FOCAD: variants seen among roughly 807,000 people sequenced by gnomAD.
FOCAD encodes the protein KIAA1797.
FOCAD carries 198 observed loss-of-function variants against 225.6 expected under a neutral mutation model. That is an observed-to-expected ratio of 0.88 (90% CI 0.78 to 0.99). FOCAD has a LOEUF of 0.99. Among genes scored for constraint, FOCAD ranks in the 50% least tolerant of loss-of-function variants. The pLI is 0.00. For missense variants in FOCAD, 2,713 were observed against 2,123.6 expected (o/e 1.28, Z -5.46); for synonymous variants, 897 against 755.0 (o/e 1.19, Z -3.08).
intron 23 of FOCAD, among the ~76,000 whole-genome samples, chr9:20,914,849 G>A (rs1353550792): frequency 6.6e-6 from 1 of 152,174 alleles, no homozygotes; most frequent in African/African-American, 2.4e-5. Flanking sequence ...TTAGGAGTCC[G>A]TTGCAATAAT....
chr9:20,784,477 G>A (rs1318084019), intron 10 of FOCAD, among the ~76,000 whole-genome samples: 2 of 152,126 alleles, frequency 1.3e-5, no homozygotes, highest in African/African-American at 2.4e-5. Flanking sequence ...AGAAAGAATC[G>A]GAAAAGTTTT....
chr9:20,796,679 A>G (rs1368998836), intron 11 of FOCAD, among the ~76,000 whole-genome samples: 1 of 151,830 alleles, frequency 6.6e-6, no homozygotes, highest in African/African-American at 2.4e-5. Context: ...TTTTTCTTGT[A>G]AATTTATTTG....
intron 5 of FOCAD, among the ~76,000 whole-genome samples, chr9:20,753,067 A>T (rs564485670): frequency 1.3e-5 from 2 of 152,080 alleles, no homozygotes; most frequent in African/African-American, 2.4e-5. Context: ...GGGCTGAGTC[A>T]ATGGGGTTTT....
chr9:20,763,496 T>C (rs535538918), intron 6 of FOCAD, among the ~76,000 whole-genome samples: 27 of 152,274 alleles, frequency 1.8e-4, no homozygotes, highest in African/African-American at 5.5e-4. Flanking sequence ...ATAAAGGCAT[T>C]GTATCTTAAA....
chr9:20,676,482 G>T (rs550068236), intron 2 of FOCAD, among the ~76,000 whole-genome samples: 7 of 152,070 alleles, frequency 4.6e-5, no homozygotes, highest in Non-Finnish European at 7.4e-5. Context: ...AAAATTACAA[G>T]GCAAACAGAG....
chr9:20,821,173 T>G (rs1006665164), intron 14 of FOCAD, 102 bp downstream of exon 14: 1 of 1,048,416 alleles, frequency 9.5e-7, no homozygotes, highest in African/African-American at 1.6e-5. Flanking sequence ...GCAGAGGATA[T>G]ATAAGTACTA....
intron 11 of FOCAD, among the ~76,000 whole-genome samples, chr9:20,814,289 T>G (rs184575199): frequency 6.6e-6 from 1 of 152,266 alleles, no homozygotes; most frequent in African/African-American, 2.4e-5. Context: ...CTTGCTGTCT[T>G]CTTTTATGTT....
At chr9:20,915,569 C>T (rs1211986139) in intron 23 of FOCAD, among the ~76,000 whole-genome samples, 1 of 152,010 alleles carries the variant, frequency 6.6e-6, no homozygotes, top group Non-Finnish European at 1.5e-5. Flanking sequence ...GTTATTGAGA[C>T]AAAAGCCAGG....
At chr9:20,835,275 A>G (rs537268040) in intron 15 of FOCAD, among the ~76,000 whole-genome samples, 1 of 152,152 alleles carries the variant, frequency 6.6e-6, no homozygotes, top group African/African-American at 2.4e-5. Context: ...ATAATCTTGT[A>G]ATGTAGGTGA....
chr9:20,717,796 T>A lies in FOCAD; in HGVS notation c.60T>A (p.Ala20=), dbSNP rs901054327. 9 of 1,610,874 alleles carry A rather than the reference T, an allele frequency of 5.6e-6. No homozygotes were observed. Among genetic ancestry groups the A allele is most frequent in the Non-Finnish European group, 6.8e-6 (8 of 1,178,502 alleles). The change falls in exon 3 of 44, where the codon GCT becomes GCA. Residue 20 remains alanine, a splice_region_variant and synonymous_variant. Transcript: ENST00000338382. ...EFPNSLIQSQ[A]VGHLIAAVLK... ...CATTAATTTTATTTCTTTTTAAGGC[T>A]GTGGGTCATCTTATTGCTGCAGTCC...
chr9:20,943,692 A>G (rs919551168), intron 28 of FOCAD, among the ~76,000 whole-genome samples: 38 of 152,212 alleles, frequency 2.5e-4, no homozygotes, highest in African/African-American at 9.2e-4. Context: ...GAGATACATT[A>G]TTGGAGAAAT....
At position 20,769,949 on chromosome 9, in the gene FOCAD, A is replaced by G. The variant is rs1818022146; in HGVS notation, c.700-83A>G. 3.1e-6 allele frequency: 4 copies of G among 1,281,154 alleles called. No homozygotes were observed. In the African/African-American group the frequency reaches 6.0e-5, roughly 19 times the overall value. The allele number at this position is 1,281,154 out of a possible 1,614,324, so 79.4% of individuals were successfully genotyped here. ...TTTATAGGTTTAGAGAAAAAATTAC[A>G]TTGTTCAAAGCTTTTTGTGTACTTT... On this transcript the variant is annotated intron_variant, in intron 7 of 43. Coordinates refer to ENST00000338382, the MANE Select transcript of FOCAD (RefSeq NM_001375567.1).
chr9:20,929,227 A>C, intron 26 of FOCAD, 131 bp from the exon 27 acceptor site: 1 of 666,404 alleles, frequency 1.5e-6, no homozygotes, highest in Non-Finnish European at 2.6e-6. Context: ...GATTTTTAAA[A>C]AATGTATTAT....
At chr9:20,929,127 G>T (rs1449568246) in intron 26 of FOCAD, 2 of 448,182 alleles carry the variant, frequency 4.5e-6, no homozygotes, top group African/African-American at 2.0e-5. Context: ...TTGTAATTTG[G>T]TTTTTCAGAT....
intron 11 of FOCAD, among the ~76,000 whole-genome samples, chr9:20,799,708 T>C (rs1466174345): frequency 2.0e-5 from 3 of 152,150 alleles, no homozygotes; most frequent in Admixed American, 1.3e-4. Context: ...TGGTAGATCT[T>C]CCTCCATCCC....
At chr9:20,736,951 AAAT>A (rs1388535096) in intron 4 of FOCAD, among the ~76,000 whole-genome samples, 2 of 151,816 alleles carry the variant, frequency 1.3e-5, no homozygotes, top group East Asian at 1.9e-4. Flanking sequence ...TTATTAATAT[AAAT>A]AATATCTATT....
At chr9:20,717,749 A>G in intron 2 of FOCAD, 45 bp from the exon 3 acceptor site, 1 of 1,465,890 alleles carries the variant, frequency 6.8e-7, no homozygotes, top group Non-Finnish European at 9.4e-7. Flanking sequence ...ATATTTGGAA[A>G]GAACTTCTAA....
At chr9:20,963,515 G>A (rs1489044823) in intron 35 of FOCAD, among the ~76,000 whole-genome samples, 1 of 152,088 alleles carries the variant, frequency 6.6e-6, no homozygotes, top group African/African-American at 2.4e-5. Context: ...AATTTTTTAT[G>A]TAATTTTGAA....
At chr9:20,907,934 G>A (rs1350285373) in intron 22 of FOCAD, among the ~76,000 whole-genome samples, 1 of 152,004 alleles carries the variant, frequency 6.6e-6, no homozygotes, top group Non-Finnish European at 1.5e-5. Context: ...ACTTCCAGTT[G>A]TCTCTGTACT....
Sources: allele counts gnomAD v4.1 joint callset (sites outside exome capture counted in the v4.1 genomes callset), GRCh38; gene constraint gnomAD v4.1.1; transcripts MANE v1.5; gene names NCBI Gene and HGNC (gene_info 2026-07-23, HGNC 2026-07-21).